Variants in ZNF676 observed in about 807,000 individuals in gnomAD.
ZNF676 encodes the protein zinc finger protein 676.
ZNF676 carries 4 observed loss-of-function variants against 6.0 expected under a neutral mutation model. That is an observed-to-expected ratio of 0.67 (90% CI 0.33 to 1.53). The LOEUF (loss-of-function observed/expected upper bound fraction) is 1.53, where lower values mean the gene tolerates loss of function less well. Ranked by LOEUF, ZNF676 falls within the 40% of genes most tolerant of loss-of-function variation. The probability of loss-of-function intolerance (pLI) is 0.06; values close to 1 mark genes in which losing one functional copy is unlikely to be tolerated. For missense variants in ZNF676, 644 were observed against 679.7 expected, an observed-to-expected ratio of 0.95 and a Z score of 0.58; for synonymous variants, 198 against 223.1, an observed-to-expected ratio of 0.89 and a Z score of 1.00.
chr19:22,240,627 C>G, the ZNF676 span, among the ~76,000 whole-genome samples: 1 of 151,958 alleles, frequency 6.6e-6, no homozygotes, highest in Non-Finnish European at 1.5e-5. Flanking sequence ...AGCCCCATCT[C>G]TACTAAAAAT....
chr19:22,181,855 A>C (rs2023759297), intron 2 of ZNF676, among the ~76,000 whole-genome samples: 1 of 152,182 alleles, frequency 6.6e-6, no homozygotes, highest in Non-Finnish European at 1.5e-5. Flanking sequence ...AAAGTTTGTT[A>C]AATTTACCCA....
chr19:22,182,593 A>AAACAAAAAAAAAC lies in ZNF676; in HGVS notation c.131-1008_131-1007insGTTTTTTTTTGTT, dbSNP rs1555773383. On this transcript the variant is annotated intron_variant, in intron 2 of 2. Coordinates refer to ENST00000397121, the MANE Select transcript of ZNF676 (RefSeq NM_001001411.3). Reference sequence around the variant, plus strand: ...TGATATAGTCAAAGTTCTAAAAAAAAAAAAAAAAAGCAAACAAAAAAAAGA... The same window carrying AAACAAAAAAAAAC: ...TGATATAGTCAAAGTTCTAAAAAAAAAACAAAAAAAAACAAAAAAAAAGCAAACAAAAAAAAGA... 4.8e-3 allele frequency among the ~76,000 whole-genome samples: 440 copies of AAACAAAAAAAAAC among 90,950 alleles called. 16 individuals carry two copies. The highest frequency in any genetic ancestry group is 0.019 in the African/African-American group (419 of 22,208). 59.7% of individuals were successfully genotyped at this position (90,950 alleles called of 152,430 possible).
At chr19:22,192,861 G>A (rs2023925764) in intron 2 of ZNF676, among the ~76,000 whole-genome samples, 155 bp downstream of exon 2, 1 of 152,068 alleles carries the variant, frequency 6.6e-6, no homozygotes, top group Non-Finnish European at 1.5e-5. Context: ...GTTAGAAGAT[G>A]CCCCTGTGTG....
chr19:22,255,890 C>T, the ZNF676 span, among the ~76,000 whole-genome samples: 55 of 152,100 alleles, frequency 3.6e-4, no homozygotes, highest in African/African-American at 8.7e-4. Context: ...GTTTTGCTAT[C>T]CCAAATCTGG....
upstream of ZNF676, among the ~76,000 whole-genome samples, chr19:22,201,493 C>T (rs2024025009): frequency 6.6e-6 from 1 of 152,046 alleles, no homozygotes; most frequent in South Asian, 2.1e-4. Context: ...TGAAATCAAC[C>T]TCACTCTGCA....
In ZNF676 at chr19:22,180,186, C is replaced by T; in HGVS notation, c.1531G>A (p.Gly511Ser). Residue 511 changes from glycine to serine, a missense_variant, in exon 3 of 3, where the codon GGC becomes AGC. Coordinates refer to ENST00000397121, the MANE Select transcript of ZNF676 (RefSeq NM_001001411.3). ...ATCGAGGACCAGCTGAAGGCTTTGCCACATTCTTCACATTTGTAGCGTTTC... is the reference window on the plus strand; with the variant it reads ...ATCGAGGACCAGCTGAAGGCTTTGCTACATTCTTCACATTTGTAGCGTTTC... Reference protein sequence around the residue: ...GEKRYKCEECGKAFSWSSILT... With the variant: ...GEKRYKCEECSKAFSWSSILT... 6.2e-7 allele frequency: 1 copy of T among 1,613,496 alleles called. No individual in the cohort carries two copies. Among genetic ancestry groups the T allele is most frequent in the Non-Finnish European group, 8.5e-7 (1 of 1,179,842 alleles).
chr19:22,193,235 A>G (rs1399941176), intron 1 of ZNF676, 124 bp from the exon 2 acceptor site: 2 of 1,129,830 alleles, frequency 1.8e-6, no homozygotes, highest in South Asian at 2.8e-5. Flanking sequence ...ATACTAAATT[A>G]TAACATGTCT....
Position 22,180,300 on chromosome 19 carries a change from C to A in ZNF676, c.1417G>T (p.Ala473Ser), listed in dbSNP as rs1207005462. 2 of 1,612,690 alleles carry A rather than the reference C, an allele frequency of 1.2e-6. No homozygotes were observed. Among genetic ancestry groups the A allele is most frequent in the Admixed American group, 1.7e-5 (1 of 59,976 alleles). The change falls in exon 3 of 3, where the codon GCA (alanine) becomes TCA (serine). Residue 473 changes from alanine to serine, a missense_variant. Coordinates refer to ENST00000397121, the MANE Select transcript of ZNF676 (RefSeq NM_001001411.3). ...TCTTCACATTTGTAAGGTTTCTCTG[C>A]AGCATGAATTCTCTTGTGTTTAGTA... The part of the protein sequence containing the change: ...SFTKHKRIHA[A>S]EKPYKCEECG...
intron 1 of ZNF676, among the ~76,000 whole-genome samples, chr19:22,211,125 G>A (rs2024126038): frequency 6.8e-6 from 1 of 147,984 alleles, no homozygotes; most frequent in Non-Finnish European, 1.5e-5. Context: ...CATCTAGCTG[G>A]TTATTTTAAA....
intron 2 of ZNF676, among the ~76,000 whole-genome samples, chr19:22,183,996 T>C (rs768012064): frequency 9.2e-5 from 14 of 152,104 alleles, no homozygotes; most frequent in Non-Finnish European, 1.9e-4. Context: ...CACAAGGAGA[T>C]CAATATAATT....
chr19:22,211,748 G>A (rs2024131077), intron 1 of ZNF676, among the ~76,000 whole-genome samples: 1 of 152,102 alleles, frequency 6.6e-6, no homozygotes, highest in Admixed American at 6.5e-5. Context: ...AGAAACTGAT[G>A]TTTTCACGAA....
At chr19:22,253,372 G>GTATATATA in the ZNF676 span, among the ~76,000 whole-genome samples, 4 of 90,844 alleles carry the variant, frequency 4.4e-5, no homozygotes, top group Non-Finnish European at 4.3e-5. Context: ...GTGTGTGTGT[G>GTATATATA]TATATATATA....
the ZNF676 span, among the ~76,000 whole-genome samples, chr19:22,237,536 G>A: frequency 6.6e-6 from 1 of 152,144 alleles, no homozygotes; most frequent in Admixed American, 6.5e-5. Flanking sequence ...TGGGACTTTA[G>A]TCTACTTATA....
chr19:22,256,056 G>C, the ZNF676 span, among the ~76,000 whole-genome samples: 1 of 152,152 alleles, frequency 6.6e-6, no homozygotes, highest in African/African-American at 2.4e-5. Context: ...GCTGGGCTCT[G>C]TGATGACACA....
chr19:22,248,947 C>G, the ZNF676 span, among the ~76,000 whole-genome samples: 1 of 152,146 alleles, frequency 6.6e-6, no homozygotes, highest in African/African-American at 2.4e-5. Context: ...TCAGGCTGGT[C>G]TCGAACTCCT....
intron 1 of ZNF676, chr19:22,203,644 G>C (rs1272356289): frequency 6.6e-6 from 1 of 152,402 alleles, no homozygotes; most frequent in Admixed American, 6.6e-5. Context: ...GCCCAGGCTG[G>C]AGTGCAATGG....
chr19:22,201,991 GCTCT>G (rs1327739634), intron 1 of ZNF676, among the ~76,000 whole-genome samples: 1 of 152,062 alleles, frequency 6.6e-6, no homozygotes, highest in African/African-American at 2.4e-5. Flanking sequence ...CATTTTAATG[GCTCT>G]CTGACTTTGA....
chr19:22,212,210 A>AAAAAGAAAAG (rs774184961), intron 1 of ZNF676, among the ~76,000 whole-genome samples: 26 of 150,832 alleles, frequency 1.7e-4, no homozygotes, highest in Middle Eastern at 3.4e-3. Context: ...AAAAAAAAAA[A>AAAAAGAAAAG]AAAAGAAAAG....
rs1349274626 is a variant in ZNF676 at position 22,191,337 on chromosome 19, T to C, written c.130+1679A>G. 2.0e-5 allele frequency among the ~76,000 whole-genome samples: 3 copies of C among 152,154 alleles called. No homozygotes were observed. The East Asian group carries it at 5.8e-4, about 29-fold the overall frequency. On this transcript the variant is annotated intron_variant, in intron 2 of 2. Coordinates refer to ENST00000397121, the MANE Select transcript of ZNF676 (RefSeq NM_001001411.3). ...ACCCTACTTGGTCCCACAGAGAATTTTGAACTTACTCTGTAACCATCCCAA... is the reference window on the plus strand; with the variant it reads ...ACCCTACTTGGTCCCACAGAGAATTCTGAACTTACTCTGTAACCATCCCAA...
Sources: gnomAD v4.1 joint callset for allele counts (sites outside exome capture counted in the v4.1 genomes callset) on GRCh38, gnomAD v4.1.1 for gene constraint, MANE v1.5 for transcripts, NCBI Gene and HGNC (gene_info 2026-07-23, HGNC 2026-07-21) for gene names.